KCNIP1: variants seen among roughly 807,000 people sequenced by gnomAD.
KCNIP1 encodes the protein A-type potassium channel modulatory protein KCNIP1.
In KCNIP1, 18 loss-of-function variants were observed where a neutral mutation model predicts 33.0. The observed-to-expected ratio is 0.55, with a 90% CI of 0.38 to 0.81. The LOEUF (loss-of-function observed/expected upper bound fraction) is 0.81, where lower values mean the gene tolerates loss of function less well. KCNIP1 is among the 30% of genes least tolerant of loss of function. The pLI, the probability that KCNIP1 is intolerant of heterozygous loss-of-function variation, is 0.00. For missense variants in KCNIP1, 238 were observed against 271.6 expected, an observed-to-expected ratio of 0.88 and a Z score of 0.87; for synonymous variants, 93 against 98.3, an observed-to-expected ratio of 0.95 and a Z score of 0.32.
intron 1 of KCNIP1, among the ~76,000 whole-genome samples, chr5:170,367,695 C>G (rs1278991952): frequency 2.6e-5 from 4 of 152,230 alleles, no homozygotes; most frequent in African/African-American, 9.6e-5. Context: ...CACTCCCTTT[C>G]CACTCTCAGA....
rs33992187 is a variant in KCNIP1, at chr5:170,568,648, T to TAAAAAAAAAAAAAAAAAAAAAAAAAAA, written c.61+64040_61+64041insAAAAAAAAAAAAAAAAAAAAAAAAAAA. Among the ~76,000 whole-genome samples, 4 of 43,728 alleles carry TAAAAAAAAAAAAAAAAAAAAAAAAAAA rather than the reference T, an allele frequency of 9.1e-5. 1 individual carries two copies. The highest frequency in any genetic ancestry group is 2.5e-4 in the African/African-American group (4 of 15,736). The allele number at this position is 43,728 out of a possible 152,430, so 28.7% of individuals were successfully genotyped here. ...CGAACATGGTGAAACCCGTTTCTAC[T>TAAAAAAAAAAAAAAAAAAAAAAAAAAA]AAAAAAAAAAAAAAAAAAAAAAAAA... On this transcript the variant is annotated intron_variant, in intron 1 of 7. Transcript: ENST00000328939.
rs79326418 is a variant in KCNIP1 at position 170,597,313 on chromosome 5, C to G, written c.61+92680C>G. 7.9e-5 allele frequency among the ~76,000 whole-genome samples: 12 copies of G among 152,326 alleles called. No individual in the cohort carries two copies. The South Asian group carries it at 1.0e-3, about 13-fold the overall frequency. ...ATAAAGGGACTGACTCTCATTCTCCCGTGCTAGGGAAGGATGAGCTATCAG... is the reference window on the plus strand; with the variant it reads ...ATAAAGGGACTGACTCTCATTCTCCGGTGCTAGGGAAGGATGAGCTATCAG... On this transcript the variant is annotated intron_variant, in intron 1 of 7. Transcript: ENST00000328939.
chr5:170,495,611 G>A (rs1318304176), intron 1 of KCNIP1, among the ~76,000 whole-genome samples: 2 of 152,226 alleles, frequency 1.3e-5, no homozygotes, highest in Non-Finnish European at 2.9e-5. Flanking sequence ...GCCTGAGGTG[G>A]AGGACAAGGG....
At chr5:170,676,171 AGGAAGGAAAGGAAAGGAAAGGAAAG>A (rs1762132846) in intron 1 of KCNIP1, among the ~76,000 whole-genome samples, 1 of 46,174 alleles carries the variant, frequency 2.2e-5, no homozygotes, top group Non-Finnish European at 4.7e-5. Context: ...GAGGGAAAGA[AGGAAGGAAAGGAAAGGAAAGGAAAG>A]GAAAGGAAAG....
intron 1 of KCNIP1, among the ~76,000 whole-genome samples, chr5:170,452,964 G>C (rs1233173412): frequency 6.6e-6 from 1 of 152,088 alleles, no homozygotes; most frequent in Admixed American, 6.6e-5. Context: ...ATCTAAAAAG[G>C]CAATAAAACA....
intron 1 of KCNIP1, among the ~76,000 whole-genome samples, chr5:170,421,173 A>C (rs532630583): frequency 1.3e-5 from 2 of 152,226 alleles, no homozygotes; most frequent in East Asian, 3.8e-4. Flanking sequence ...GCCATGGAGC[A>C]AACTCAAGTC....
At chr5:170,649,706 T>A (rs1004222686) in intron 1 of KCNIP1, among the ~76,000 whole-genome samples, 4 of 152,152 alleles carry the variant, frequency 2.6e-5, no homozygotes, top group Non-Finnish European at 5.9e-5. Context: ...GTAGGAGCAC[T>A]GACCTGTTCA....
At chr5:170,378,823 C>T (rs144153073) in intron 1 of KCNIP1, 37 of 1,614,184 alleles carry the variant, frequency 2.3e-5, no homozygotes, top group Middle Eastern at 3.3e-4. Flanking sequence ...GCCTGGGGCC[C>T]GTAGAGGCGC....
chr5:170,415,422 G>A (rs554986526), intron 1 of KCNIP1, among the ~76,000 whole-genome samples: 26 of 152,018 alleles, frequency 1.7e-4, no homozygotes, highest in Non-Finnish European at 3.5e-4. Flanking sequence ...AATATCCCTG[G>A]CCTCTACCTA....
intron 1 of KCNIP1, among the ~76,000 whole-genome samples, chr5:170,601,118 G>A (rs925206635): frequency 3.3e-5 from 5 of 152,296 alleles, no homozygotes; most frequent in Middle Eastern, 3.4e-3. Context: ...CACCTGCGTC[G>A]CTTCCCTCTG....
At chr5:170,407,171 A>G (rs1044082177) in intron 1 of KCNIP1, among the ~76,000 whole-genome samples, 10 of 152,186 alleles carry the variant, frequency 6.6e-5, no homozygotes, top group Admixed American at 3.3e-4. Flanking sequence ...CCAGCTAACC[A>G]TAGACGAGTT....
At chr5:170,597,820 T>TATATATGAAA (rs1554103535) in intron 1 of KCNIP1, among the ~76,000 whole-genome samples, 81 of 56,300 alleles carry the variant, frequency 1.4e-3, no homozygotes, top group Non-Finnish European at 2.0e-3. Flanking sequence ...TATATATATA[T>TATATATGAAA]ATATATATAT....
intron 1 of KCNIP1, among the ~76,000 whole-genome samples, chr5:170,576,009 A>G (rs898842408): frequency 6.6e-6 from 1 of 152,220 alleles, no homozygotes; most frequent in Non-Finnish European, 1.5e-5. Context: ...ATGCTCTACA[A>G]CAATAAAAAT....
intron 1 of KCNIP1, among the ~76,000 whole-genome samples, chr5:170,436,876 G>T (rs6897122): frequency 0.049 from 7,397 of 152,224 alleles, 357 homozygotes; most frequent in African/African-American, 0.12. Flanking sequence ...TGCATCTGTA[G>T]GGGAGAAAAG....
chr5:170,453,012 TTAAGTA>T (rs1482993245), intron 1 of KCNIP1, among the ~76,000 whole-genome samples: 2 of 152,258 alleles, frequency 1.3e-5, no homozygotes, highest in African/African-American at 2.4e-5. Context: ...TTATTACTGA[TTAAGTA>T]TATTTTGCAT....
chr5:170,633,325 G>A (rs1760136875), intron 1 of KCNIP1, among the ~76,000 whole-genome samples: 1 of 152,056 alleles, frequency 6.6e-6, no homozygotes, highest in South Asian at 2.1e-4. Context: ...AGAAGATGAG[G>A]AAAATGAGCA....
chr5:170,384,978 C>T (rs572789589), intron 1 of KCNIP1, among the ~76,000 whole-genome samples: 18 of 152,238 alleles, frequency 1.2e-4, no homozygotes, highest in Admixed American at 2.0e-4. Flanking sequence ...CTGTAAACAT[C>T]TGCAATTCTC....
At chr5:170,355,612 G>A (rs1763326331) in intron 1 of KCNIP1, among the ~76,000 whole-genome samples, 1 of 152,180 alleles carries the variant, frequency 6.6e-6, no homozygotes, top group Admixed American at 6.5e-5. Context: ...GGCAGACTAA[G>A]GAGTGCCTCC....
chr5:170,415,728 G>A (rs113132592), intron 1 of KCNIP1, among the ~76,000 whole-genome samples: 20 of 152,254 alleles, frequency 1.3e-4, no homozygotes, highest in East Asian at 5.8e-4. Flanking sequence ...GGCTATGAGC[G>A]CCACAGGAGT....
Sources: allele counts gnomAD v4.1 joint callset (sites outside exome capture counted in the v4.1 genomes callset), GRCh38; gene constraint gnomAD v4.1.1; transcripts MANE v1.5; gene names NCBI Gene and HGNC (gene_info 2026-07-23, HGNC 2026-07-21).